TNFAIP8L1: variants seen among roughly 807,000 people sequenced by gnomAD.
TNFAIP8L1 encodes the protein tumor necrosis factor alpha-induced protein 8-like protein 1.
For synonymous variants in TNFAIP8L1, 127 were observed against 125.6 expected, an observed-to-expected ratio of 1.01 and a Z score of -0.08; for missense variants, 225 against 266.1, an observed-to-expected ratio of 0.85 and a Z score of 1.08.
chr19:4,649,496 G>C (rs986476400), intron 1 of TNFAIP8L1, among the ~76,000 whole-genome samples: 6 of 152,166 alleles, frequency 3.9e-5, no homozygotes, highest in Non-Finnish European at 7.4e-5. Context: ...CTGGGAGCAG[G>C]CCCTAAATAT....
At chr19:4,642,682 C>T (rs1297419449) in intron 1 of TNFAIP8L1, among the ~76,000 whole-genome samples, 2 of 147,202 alleles carry the variant, frequency 1.4e-5, no homozygotes, top group East Asian at 4.1e-4. Flanking sequence ...TGGCGCCTGG[C>T]ATGGTAGAGG....
chr19:4,641,979 CTGGG>C lies in TNFAIP8L1; in HGVS notation c.-4+2351_-4+2354del. ...AGGTCCATCTAGAGAATTTCCCAGC[CTGGG>C]CAACATGGTGAAACCCTGTCTCTAC... is the stretch of plus-strand genomic sequence containing the variant. On this transcript the variant is annotated intron_variant, in intron 1 of 1. Transcript: ENST00000327473. The surrounding 1 kb of genome is among the most constrained non-coding windows in gnomAD (Gnocchi z 4.6). 2 of 152,178 alleles carry C rather than the reference CTGGG, an allele frequency of 1.3e-5. No homozygotes were observed. Among genetic ancestry groups the C allele is most frequent in the African/African-American group, 4.8e-5 (2 of 41,424 alleles). 9.4% of individuals were successfully genotyped at this position (152,178 alleles called of 1,614,324 possible).
intron 1 of TNFAIP8L1, among the ~76,000 whole-genome samples, chr19:4,644,377 CA>C (rs527729094): frequency 0.24 from 29,759 of 121,778 alleles, 3,203 homozygotes; most frequent in African/African-American, 0.34. Flanking sequence ...CCATGTCTAC[CA>C]AAAAAAAAAA....
At position 4,645,385 on chromosome 19, in the gene TNFAIP8L1, T is replaced by G. The variant is rs2145167137; in HGVS notation, c.-4+5756T>G. On this transcript the variant is annotated intron_variant, in intron 1 of 1. Coordinates refer to ENST00000327473, the MANE Select transcript of TNFAIP8L1 (RefSeq NM_152362.3). This position sits in a 1 kb window ranked among gnomAD's most constrained non-coding sequence, Gnocchi z 4.1. ...CGACATGGCCAAACCCCGTCTCTAC[T>G]AAAAATACACAAATTTGTATTTTTG... 6.6e-6 allele frequency among the ~76,000 whole-genome samples: 1 copy of G among 152,196 alleles called. No homozygotes were observed. Among genetic ancestry groups the G allele is most frequent in the South Asian group, 2.1e-4 (1 of 4,818 alleles).
At chr19:4,644,377 CAAAAAA>C (rs527729094) in intron 1 of TNFAIP8L1, among the ~76,000 whole-genome samples, 1 of 121,870 alleles carries the variant, frequency 8.2e-6, no homozygotes, top group African/African-American at 3.0e-5. Flanking sequence ...CCATGTCTAC[CAAAAAA>C]AAAAAAAAAA....
Position 4,649,237 on chromosome 19 carries a change from T to C in TNFAIP8L1, c.-3-2630T>C, listed in dbSNP as rs567328880. On this transcript the variant is annotated intron_variant, in intron 1 of 1. Coordinates refer to ENST00000327473, the MANE Select transcript of TNFAIP8L1 (RefSeq NM_152362.3). ...GAGCCACCGCGCCCGGCCAGCTTTT[T>C]TTTTTTTGCACAGGGAATCTCACTG... Among the ~76,000 whole-genome samples, 33 of 151,994 alleles carry C rather than the reference T, an allele frequency of 2.2e-4. No homozygotes were observed. The East Asian group carries it at 6.2e-3, about 29-fold the overall frequency.
At chr19:4,650,221 AC>A (rs1568282022) in intron 1 of TNFAIP8L1, among the ~76,000 whole-genome samples, 1 of 151,818 alleles carries the variant, frequency 6.6e-6, no homozygotes, top group Non-Finnish European at 1.5e-5. Context: ...TGCCTGGGGA[AC>A]CTGCGGCTCA....
chr19:4,639,820 T>G (rs553442234), intron 1 of TNFAIP8L1, 191 bp downstream of exon 1: 1 of 152,860 alleles, frequency 6.5e-6, no homozygotes, highest in East Asian at 1.9e-4. Context: ...GAGTCTCAAT[T>G]GCCCCCCTTG....
chr19:4,642,034 C>T (rs918795264), intron 1 of TNFAIP8L1: 5 of 152,104 alleles, frequency 3.3e-5, no homozygotes, highest in Non-Finnish European at 7.3e-5. Flanking sequence ...AAAAATTAGC[C>T]AGGTGTGGTG....
chr19:4,640,522 C>T (rs2088249484), intron 1 of TNFAIP8L1: 1 of 152,272 alleles, frequency 6.6e-6, no homozygotes, highest in African/African-American at 2.4e-5. Flanking sequence ...GGTTTGAGCT[C>T]TGCCACCCGC....
At chr19:4,648,816 T>A (rs1056401726) in intron 1 of TNFAIP8L1, among the ~76,000 whole-genome samples, 2 of 152,032 alleles carry the variant, frequency 1.3e-5, no homozygotes, top group African/African-American at 4.8e-5. Context: ...CATCCCCAGA[T>A]GCAGAGAAAG....
intron 1 of TNFAIP8L1, among the ~76,000 whole-genome samples, chr19:4,648,663 G>A (rs555098440): frequency 3.3e-5 from 5 of 152,188 alleles, no homozygotes; most frequent in South Asian, 2.1e-4. Flanking sequence ...CCTGACTCCC[G>A]TCCGGAATCA....
chr19:4,640,219 A>T (rs2088246888), intron 1 of TNFAIP8L1: 1 of 152,268 alleles, frequency 6.6e-6, no homozygotes, highest in Admixed American at 6.5e-5. Flanking sequence ...GTGAAGTCGA[A>T]CTAGGCCCAT....
Position 4,651,898 on chromosome 19 carries a change from C to T in TNFAIP8L1, c.29C>T (p.Ala10Val). 1 of 1,609,760 alleles carries T rather than the reference C, an allele frequency of 6.2e-7. No individual in the cohort carries two copies. Among genetic ancestry groups the T allele is most frequent in the East Asian group, 2.2e-5 (1 of 44,736 alleles). Reference protein sequence around the residue: MDTFSTKSLALQAQKKLLSK... With the variant: MDTFSTKSLVLQAQKKLLSK... ...GACACCTTCAGCACCAAGAGCCTGG[C>T]TCTGCAGGCGCAGAAGAAGCTCCTG... The change falls in exon 2 of 2, where the codon GCT becomes GTT. Residue 10 changes from alanine to valine, a missense_variant. Transcript: ENST00000327473.
intron 1 of TNFAIP8L1, among the ~76,000 whole-genome samples, chr19:4,648,788 G>A (rs888189898): frequency 3.3e-4 from 51 of 152,320 alleles, no homozygotes; most frequent in African/African-American, 1.2e-3. Context: ...CTCCAGGGCC[G>A]ATGGGGTCCA....
Position 4,652,156 on chromosome 19 carries a change from G to T in TNFAIP8L1, c.287G>T (p.Cys96Phe). 1 of 1,558,482 alleles carries T rather than the reference G, an allele frequency of 6.4e-7. No individual in the cohort carries two copies. ...CGGCGCTTCCGCCACCGGGCGCGCT[G>T]CCTGGCCATGACGGCCGTCAGCTTC... ...LLRRFRHRAR[C>F]LAMTAVSFHQ... Residue 96 changes from cysteine to phenylalanine, a missense_variant, in exon 2 of 2, where the codon TGC (cysteine) becomes TTC (phenylalanine). Cys to Phe is a radical substitution (Grantham distance 205). Transcript: ENST00000327473.
chr19:4,646,657 G>A (rs1409812186), intron 1 of TNFAIP8L1, among the ~76,000 whole-genome samples: 3 of 150,570 alleles, frequency 2.0e-5, no homozygotes, highest in African/African-American at 7.3e-5. Context: ...TTGAGATGGA[G>A]TCTCGCTCTG....
chr19:4,644,781 A>G (rs2088294773), intron 1 of TNFAIP8L1, among the ~76,000 whole-genome samples: 1 of 151,704 alleles, frequency 6.6e-6, no homozygotes, highest in African/African-American at 2.4e-5. Context: ...TTGTATTTTT[A>G]GTAGAGATGG....
chr19:4,652,904 C>T lies in TNFAIP8L1; in HGVS notation c.*474C>T, dbSNP rs1259961351. 1.1e-5 allele frequency: 2 copies of T among 176,616 alleles called. No individual in the cohort carries two copies. The highest frequency in any genetic ancestry group is 3.6e-4 in the East Asian group (2 of 5,502). The allele number at this position is 176,616 out of a possible 1,614,324, so 10.9% of individuals were successfully genotyped here. ...ACTCACGTCCTAACCCCCAGGACCT[C>T]AGAAGATGATCTGATTTGGAAATAG... is the stretch of plus-strand genomic sequence containing the variant. On this transcript the variant is annotated 3_prime_UTR_variant, in exon 2 of 2. Transcript: ENST00000327473.
Sources: allele counts gnomAD v4.1 joint callset (sites outside exome capture counted in the v4.1 genomes callset), GRCh38; gene constraint gnomAD v4.1.1; non-coding constraint Gnocchi (gnomAD v3.1); transcripts MANE v1.5; gene names NCBI Gene and HGNC (gene_info 2026-07-23, HGNC 2026-07-21).